The following NLGN1 variants were observed in gnomAD, a reference collection of about 807,000 sequenced individuals.
NLGN1 encodes the protein neuroligin 1.
A neutral mutation model predicts 65.5 loss-of-function variants in NLGN1; 12 were observed. The ratio of observed to expected loss-of-function variants is 0.18; its 90% CI spans 0.12 to 0.30. The LOEUF (loss-of-function observed/expected upper bound fraction) is 0.30. Among genes scored for constraint, NLGN1 ranks in the 10% least tolerant of loss-of-function variants. The pLI, the probability that NLGN1 is intolerant of heterozygous loss-of-function variation, is 1.00. For synonymous variants in NLGN1, 350 were observed against 359.5 expected, an observed-to-expected ratio of 0.97 and a Z score of 0.30; for missense variants, 750 against 1,007.1, an observed-to-expected ratio of 0.74 and a Z score of 3.46.
rs1038053294 is a variant in NLGN1, at chr3:174,079,573, A to G, written c.647-195742A>G. Among the ~76,000 whole-genome samples the G allele has an allele frequency of 3.3e-5, 5 of 152,328 alleles. No individual in the cohort carries two copies. In the East Asian group the frequency reaches 9.6e-4, roughly 29 times the overall value. ...CCAAAGGAATAAAAATCATTGTATT[A>G]TAAAGACATGCATATGTTCATTGCG... is the stretch of plus-strand genomic sequence containing the variant. On this transcript the variant is annotated intron_variant, in intron 4 of 6. Transcript: ENST00000457714.
chr3:174,283,132 AAAAAAAAG>A (rs1004933852), exon 7 of NLGN1: 4 of 151,534 alleles, frequency 2.6e-5, no homozygotes, highest in Non-Finnish European at 4.4e-5. Flanking sequence ...CTAAAAAAAG[AAAAAAAAG>A]AAAAAAAGGA....
intron 2 of NLGN1, among the ~76,000 whole-genome samples, chr3:173,550,053 A>G (rs764025696): frequency 2.6e-5 from 4 of 152,074 alleles, no homozygotes; most frequent in Non-Finnish European, 4.4e-5. Context: ...TAAAAGTGTC[A>G]TGAATCCTGT....
chr3:173,938,553 G>C (rs115001316), intron 4 of NLGN1, among the ~76,000 whole-genome samples: 389 of 152,248 alleles, frequency 2.6e-3, no homozygotes, highest in African/African-American at 9.0e-3. Flanking sequence ...CTTAGCCCGT[G>C]TTGACATATA....
intron 4 of NLGN1, among the ~76,000 whole-genome samples, chr3:174,178,912 G>A (rs1729914984): frequency 6.6e-6 from 1 of 152,052 alleles, no homozygotes. Flanking sequence ...AGGCATATAG[G>A]AGGTCAGTGA....
intron 4 of NLGN1, among the ~76,000 whole-genome samples, chr3:174,069,982 T>A (rs1739465039): frequency 6.6e-6 from 1 of 152,168 alleles, no homozygotes; most frequent in Admixed American, 6.5e-5. Context: ...TTGTAAGGAT[T>A]AAATGAGATA....
intron 4 of NLGN1, among the ~76,000 whole-genome samples, chr3:173,878,331 C>T (rs950974157): frequency 4.6e-5 from 7 of 152,010 alleles, no homozygotes; most frequent in Admixed American, 1.3e-4. Context: ...TGAGCCACTG[C>T]GCCAAGCCAA....
At chr3:174,200,524 T>C (rs1283597379) in intron 4 of NLGN1, among the ~76,000 whole-genome samples, 2 of 152,202 alleles carry the variant, frequency 1.3e-5, no homozygotes, top group Non-Finnish European at 2.9e-5. Flanking sequence ...GATTGTTCAC[T>C]GGAGGGCCCT....
At chr3:173,928,409 T>G (rs1743411625) in intron 4 of NLGN1, among the ~76,000 whole-genome samples, 1 of 152,178 alleles carries the variant, frequency 6.6e-6, no homozygotes, top group Non-Finnish European at 1.5e-5. Context: ...ATCTTATCTC[T>G]TAAACAAAAT....
At chr3:174,064,858 A>G (rs1445401168) in intron 4 of NLGN1, among the ~76,000 whole-genome samples, 2 of 150,560 alleles carry the variant, frequency 1.3e-5, no homozygotes, top group South Asian at 2.1e-4. Context: ...ACATTATATT[A>G]ATACACATAG....
chr3:174,068,704 T>C (rs1456321797), intron 4 of NLGN1, among the ~76,000 whole-genome samples: 1 of 152,178 alleles, frequency 6.6e-6, no homozygotes, highest in Non-Finnish European at 1.5e-5. Context: ...AAAGAAGTTA[T>C]ATTTGATATA....
At chr3:173,756,695 T>G (rs758841197) in intron 3 of NLGN1, among the ~76,000 whole-genome samples, 1 of 150,798 alleles carries the variant, frequency 6.6e-6, no homozygotes, top group Non-Finnish European at 1.5e-5. Flanking sequence ...TGTCAAGAAA[T>G]GCACAAAATG....
chr3:173,802,047 G>A (rs1310358175), intron 3 of NLGN1, among the ~76,000 whole-genome samples: 2 of 152,152 alleles, frequency 1.3e-5, no homozygotes, highest in Admixed American at 6.5e-5. Context: ...TTCTTCATGT[G>A]TATCTTTGTA....
intron 1 of NLGN1, among the ~76,000 whole-genome samples, chr3:173,411,861 C>A (rs1298643586): frequency 1.3e-5 from 2 of 151,988 alleles, no homozygotes; most frequent in Non-Finnish European, 2.9e-5. Flanking sequence ...CCAGAGGGAG[C>A]CACTTACACA....
intron 4 of NLGN1, among the ~76,000 whole-genome samples, chr3:173,821,916 G>A (rs1232057139): frequency 6.6e-6 from 1 of 152,096 alleles, no homozygotes; most frequent in Admixed American, 6.5e-5. Flanking sequence ...ATTATGTTGA[G>A]ATATACATAA....
At chr3:173,964,782 G>GTA (rs1453554501) in intron 4 of NLGN1, among the ~76,000 whole-genome samples, 1 of 152,124 alleles carries the variant, frequency 6.6e-6, no homozygotes, top group Non-Finnish European at 1.5e-5. Flanking sequence ...TCAAATCTAA[G>GTA]TAACTATCAT....
chr3:173,672,796 T>C (rs1487713553), intron 3 of NLGN1, among the ~76,000 whole-genome samples: 1 of 152,206 alleles, frequency 6.6e-6, no homozygotes, highest in Non-Finnish European at 1.5e-5. Flanking sequence ...AATGTAACTC[T>C]TTCAACTATA....
chr3:174,205,733 A>C (rs146485458), intron 4 of NLGN1, among the ~76,000 whole-genome samples: 1 of 152,360 alleles, frequency 6.6e-6, no homozygotes, highest in East Asian at 1.9e-4. Flanking sequence ...TAATTTGTAT[A>C]TATTAAATAG....
intron 4 of NLGN1, among the ~76,000 whole-genome samples, chr3:174,056,430 G>A (rs2152510997): frequency 6.6e-6 from 1 of 151,792 alleles, no homozygotes; most frequent in South Asian, 2.1e-4. Context: ...CATATAAAAT[G>A]ATTATTCTCA....
At chr3:173,736,965 T>C (rs983034903) in intron 3 of NLGN1, among the ~76,000 whole-genome samples, 8 of 152,068 alleles carry the variant, frequency 5.3e-5, no homozygotes, top group Non-Finnish European at 1.0e-4. Context: ...ATCAGAGATG[T>C]TCTACTTATT....
Sources: gnomAD v4.1 joint callset for allele counts (sites outside exome capture counted in the v4.1 genomes callset) on GRCh38, gnomAD v4.1.1 for gene constraint, MANE v1.5 for transcripts, NCBI Gene and HGNC (gene_info 2026-07-23, HGNC 2026-07-21) for gene names.